The following RAP1GAP variants were observed in gnomAD, a reference collection of about 807,000 sequenced individuals.
RAP1GAP encodes RAP1 GTPase activating protein, also known as rap1 GTPase-activating protein 1.
In RAP1GAP, 35 loss-of-function variants were observed where a neutral mutation model predicts 87.2. That is an observed-to-expected ratio of 0.40 (90% CI 0.31 to 0.53). RAP1GAP has a LOEUF of 0.53. RAP1GAP is among the 20% of genes least tolerant of loss of function. The pLI, the probability that RAP1GAP is intolerant of heterozygous loss-of-function variation, is 0.48. For missense variants in RAP1GAP, 734 were observed against 898.9 expected (o/e 0.82, Z 2.35); for synonymous variants, 375 against 363.9 (o/e 1.03, Z -0.35).
chr1:21,643,743 T>C (rs1246978582), intron 2 of RAP1GAP, among the ~76,000 whole-genome samples: 1 of 152,152 alleles, frequency 6.6e-6, no homozygotes, highest in Non-Finnish European at 1.5e-5. Flanking sequence ...GCGCATACAC[T>C]CTGCACTCAT....
At chr1:21,636,828 A>C (rs954089180) in intron 2 of RAP1GAP, among the ~76,000 whole-genome samples, 7 of 150,234 alleles carry the variant, frequency 4.7e-5, no homozygotes, top group Admixed American at 1.3e-4. Context: ...AAAGAAAGAG[A>C]GAGAAAGGAA....
At chr1:21,644,900 CA>C (rs34783815) in intron 2 of RAP1GAP, among the ~76,000 whole-genome samples, 45,114 of 114,282 alleles carry the variant, frequency 0.39, 7,386 homozygotes, top group Middle Eastern at 0.42. Flanking sequence ...GACCCTGTCT[CA>C]AAAAAAAAAA....
In RAP1GAP at chr1:21,634,408, C is replaced by A. The variant is rs575365938; in HGVS notation, c.-112-8011G>T. ...TGTCATTCAATCCTTATGACAACAA[C>A]CCTGACCTCAGGATGCTATCTTCAC... On this transcript the variant is annotated intron_variant, in intron 2 of 24. Coordinates refer to ENST00000374765, the MANE Select transcript of RAP1GAP (RefSeq NM_002885.4). The surrounding 1 kb of genome is among the most constrained non-coding windows in gnomAD (Gnocchi z 4.1). Among the ~76,000 whole-genome samples the A allele has an allele frequency of 6.6e-6, 1 of 152,322 alleles. No individual in the cohort carries two copies. Among genetic ancestry groups the A allele is most frequent in the African/African-American group, 2.4e-5 (1 of 41,570 alleles).
intron 1 of RAP1GAP, among the ~76,000 whole-genome samples, chr1:21,658,451 T>A (rs2096953036): frequency 6.6e-6 from 1 of 152,040 alleles, no homozygotes; most frequent in African/African-American, 2.4e-5. Context: ...GCCTGTAGTC[T>A]CAGCTACTCA....
Position 21,598,049 on chromosome 1 carries a change from G to T in RAP1GAP, c.1895C>A (p.Pro632His). 2 of 1,574,146 alleles carry T rather than the reference G, an allele frequency of 1.3e-6. No individual in the cohort carries two copies. The highest frequency in any genetic ancestry group is 8.6e-7 in the Non-Finnish European group (1 of 1,160,104). ...GGSSPGPSRSPHPDAGKLGDP... is the reference protein window; with the variant it reads ...GGSSPGPSRSHHPDAGKLGDP... ...CCCCAACTTGCCGGCGTCTGGGTGG[G>T]GTGATCGAGAGGGGCCTGGGGAGGG... The change falls in exon 23 of 25, where the codon CCC becomes CAC. Residue 632 changes from proline to histidine, a missense_variant. Physicochemically the swap from Pro to His is moderately conservative, Grantham distance 77. Coordinates refer to ENST00000374765, the MANE Select transcript of RAP1GAP (RefSeq NM_002885.4).
intron 1 of RAP1GAP, among the ~76,000 whole-genome samples, chr1:21,654,723 T>C (rs1321799420): frequency 6.6e-6 from 1 of 152,006 alleles, no homozygotes; most frequent in African/African-American, 2.4e-5. Flanking sequence ...TCCCAGTGAT[T>C]TGAGAGGCTG....
intron 1 of RAP1GAP, chr1:21,651,750 G>A (rs1322292516): frequency 6.9e-7 from 1 of 1,443,904 alleles, no homozygotes; most frequent in Non-Finnish European, 9.1e-7. Context: ...GCGCGCACGC[G>A]CCCCGCCCCG....
chr1:21,598,916 C>T (rs1284963843), intron 21 of RAP1GAP, among the ~76,000 whole-genome samples: 2 of 152,256 alleles, frequency 1.3e-5, no homozygotes, highest in Admixed American at 6.5e-5. Context: ...TCTGGGGCAG[C>T]GCTTGGCAAG....
At chr1:21,647,265 T>A (rs539399145) in intron 2 of RAP1GAP, among the ~76,000 whole-genome samples, 1 of 152,190 alleles carries the variant, frequency 6.6e-6, no homozygotes, top group South Asian at 2.1e-4. Flanking sequence ...GTTCGAGACC[T>A]GACTGGCCAA....
intron 23 of RAP1GAP, 21 bp from the exon 24 acceptor site, chr1:21,597,749 T>A: frequency 6.2e-7 from 1 of 1,613,188 alleles, no homozygotes; most frequent in South Asian, 1.1e-5. Context: ...ACAGTGGTGG[T>A]GAGGCAGGTG....
At position 21,611,532 on chromosome 1, in the gene RAP1GAP, CAG is replaced by C. The variant is rs2078286523; in HGVS notation, c.761_762del (p.Ser254CysfsTer46). 1 of 1,614,202 alleles carries C rather than the reference CAG, an allele frequency of 6.2e-7. No homozygotes were observed. The highest frequency in any genetic ancestry group is 8.5e-7 in the Non-Finnish European group (1 of 1,180,036). On this transcript the variant is annotated frameshift_variant, in exon 13 of 25. Transcript: ENST00000374765. LOFTEE classifies it high-confidence loss of function. Reference protein sequence around the residue: ...DVTHGQTGTESVYCNFRNKEI... With the variant: ...DVTHGQTGTEXVYCNFRNKEI... ...TCCTTGTTGCGGAAGTTGCAGTACA[CAG>C]ATTCGGTCCCCGTCTGCCCGTGGGT...
Position 21,622,716 on chromosome 1 carries a change from C to T in RAP1GAP, c.-18-2666G>A, listed in dbSNP as rs1160049409. On this transcript the variant is annotated intron_variant, in intron 3 of 24. Transcript: ENST00000374765. The surrounding 1 kb of genome is among the most constrained non-coding windows in gnomAD (Gnocchi z 5.7). ...CGCGTTCCGGCCCGAGCGCTAGAAG[C>T]TTTGGGTGCGTCGGGCTCCCCGAGG... 6.6e-6 allele frequency: 1 copy of T among 151,602 alleles called. No individual in the cohort carries two copies. Among genetic ancestry groups the T allele is most frequent in the Non-Finnish European group, 1.5e-5 (1 of 67,896 alleles). The allele number at this position is 151,602 out of a possible 1,614,324, so 9.4% of individuals were successfully genotyped here. A position where few individuals can be genotyped will look rare whatever the true frequency, so the allele number is the denominator to read the frequency against.
Position 21,603,101 on chromosome 1 carries a change from C to T in RAP1GAP, c.1429-188G>A, listed in dbSNP as rs1570470075. ...GAAAGGGAAACAGTCCCCAGGAGGG[C>T]AAGGGGCTCTCCCGAGCTCACACGG... On this transcript the variant is annotated intron_variant, in intron 18 of 24. Coordinates refer to ENST00000374765, the MANE Select transcript of RAP1GAP (RefSeq NM_002885.4). This position sits in a 1 kb window ranked among gnomAD's most constrained non-coding sequence, Gnocchi z 6.0. 2 of 575,772 alleles carry T rather than the reference C, an allele frequency of 3.5e-6. No homozygotes were observed. Among genetic ancestry groups the T allele is most frequent in the Non-Finnish European group, 6.2e-6 (2 of 321,988 alleles). The allele number at this position is 575,772 out of a possible 1,614,324, so 35.7% of individuals were successfully genotyped here. A position where few individuals can be genotyped will look rare whatever the true frequency, so the allele number is the denominator to read the frequency against.
At chr1:21,664,553 TCTC>T (rs1221913053) in intron 1 of RAP1GAP, among the ~76,000 whole-genome samples, 2 of 152,084 alleles carry the variant, frequency 1.3e-5, no homozygotes, top group Admixed American at 6.6e-5. Context: ...CGCCTCCACT[TCTC>T]CTCTTGCTGT....
intron 1 of RAP1GAP, among the ~76,000 whole-genome samples, chr1:21,665,021 G>A (rs1376607523): frequency 6.6e-6 from 1 of 152,206 alleles, no homozygotes; most frequent in African/African-American, 2.4e-5. Flanking sequence ...GCAGAGACTG[G>A]ATTTGGCATT....
At chr1:21,620,852 ACTCTCT>A (rs35090439) in intron 3 of RAP1GAP, among the ~76,000 whole-genome samples, 2 of 149,824 alleles carry the variant, frequency 1.3e-5, no homozygotes, top group East Asian at 3.9e-4. Flanking sequence ...AAGCACGCAC[ACTCTCT>A]CTCTCTCTCT....
chr1:21,625,780 T>C (rs1367186612), intron 3 of RAP1GAP, among the ~76,000 whole-genome samples: 2 of 152,208 alleles, frequency 1.3e-5, no homozygotes, highest in African/African-American at 4.8e-5. Flanking sequence ...CTGTATCAGA[T>C]TGGTTTCTGG....
chr1:21,606,031 AG>A, intron 18 of RAP1GAP, 34 bp downstream of exon 18: 1 of 1,550,712 alleles, frequency 6.4e-7, no homozygotes. Flanking sequence ...CCCCCCAGGG[AG>A]GGGCCGGGGC....
intron 1 of RAP1GAP, among the ~76,000 whole-genome samples, chr1:21,667,101 C>T (rs1043115589): frequency 6.6e-6 from 1 of 151,878 alleles, no homozygotes; most frequent in Non-Finnish European, 1.5e-5. Context: ...GTTGTTTGCA[C>T]AGCACATGCG....
Sources: gnomAD v4.1 joint callset for allele counts (sites outside exome capture counted in the v4.1 genomes callset) on GRCh38, gnomAD v4.1.1 for gene constraint, Gnocchi (gnomAD v3.1) non-coding constraint, MANE v1.5 for transcripts, NCBI Gene and HGNC (gene_info 2026-07-23, HGNC 2026-07-21) for gene names.